The following BRMS1 variants were observed in gnomAD, a reference collection of about 807,000 sequenced individuals.
BRMS1 encodes the protein breast cancer metastasis-suppressor 1.
In BRMS1, 26 loss-of-function variants were observed where a neutral mutation model predicts 40.4. The observed-to-expected ratio is 0.64, with a 90% CI of 0.47 to 0.89. The LOEUF (loss-of-function observed/expected upper bound fraction) is 0.89, where lower values mean the gene tolerates loss of function less well. BRMS1 is among the 40% of genes least tolerant of loss of function. The pLI, the probability that BRMS1 is intolerant of heterozygous loss-of-function variation, is 0.00. For missense variants in BRMS1, 289 were observed against 309.4 expected (o/e 0.93, Z 0.49); for synonymous variants, 103 against 116.0 (o/e 0.89, Z 0.72).
chr11:66,337,567 T>G lies in BRMS1; in HGVS notation c.*315A>C. 2.0e-6 allele frequency: 2 copies of G among 987,208 alleles called. No homozygotes were observed. The highest frequency in any genetic ancestry group is 2.9e-6 in the Non-Finnish European group (2 of 684,988). The allele number at this position is 987,208 out of a possible 1,614,324, so 61.2% of individuals were successfully genotyped here. On this transcript the variant is annotated 3_prime_UTR_variant, in exon 10 of 10. Transcript: ENST00000359957. ...TCAGCAAGAGGATGTGGCTTTGACT[T>G]CGGCTGTCTTCTCTGTCAGGGGAGC...
rs762218512 is a variant in BRMS1 at position 66,341,355 on chromosome 11, G to A, written c.231-22C>T. ...CAACCTGCGTGGTAAAAAGGCAGCC[G>A]TGCACCCATTTGCTCACCCATCGCT... On this transcript the variant is annotated intron_variant, in intron 3 of 9. Transcript: ENST00000359957. The surrounding 1 kb of genome is among the most constrained non-coding windows in gnomAD (Gnocchi z 4.9). 91 of 1,606,556 alleles carry A rather than the reference G, an allele frequency of 5.7e-5. No homozygotes were observed. Among genetic ancestry groups the A allele is most frequent in the African/African-American group, 6.7e-5 (5 of 74,748 alleles).
At chr11:66,339,593 C>T (rs961023319) in intron 7 of BRMS1, among the ~76,000 whole-genome samples, 91 of 152,280 alleles carry the variant, frequency 6.0e-4, no homozygotes, top group South Asian at 1.9e-3. Flanking sequence ...GGGACCCGCT[C>T]GGACAACCCC....
intron 8 of BRMS1, chr11:66,338,512 G>A (rs762499886): frequency 1.1e-5 from 16 of 1,401,508 alleles, no homozygotes; most frequent in South Asian, 2.5e-5. Flanking sequence ...GCCCCAGAAC[G>A]GGAAGGGGCT....
rs748550864 is a variant in BRMS1 at position 66,340,844 on chromosome 11, C to T, written c.465G>A (p.Thr155=). The part of the protein sequence containing the change: ...LESEKLLLYD[T]LQGELQERIQ... ...TCCGCTCCTGCAGCTCCCCCTGCAG[C>T]GTGTCATAGAGCAGCAGCTTCTCAC... The change falls in exon 6 of 10, where the codon ACG becomes ACA. Residue 155 remains threonine, a synonymous_variant. Coordinates refer to ENST00000359957, the MANE Select transcript of BRMS1 (RefSeq NM_015399.4). The T allele has an allele frequency of 8.7e-6, 14 of 1,613,938 alleles. No homozygotes were observed. In the Admixed American group the frequency reaches 1.2e-4, roughly 13 times the overall value.
At chr11:66,338,351 C>G (rs1854982326) in intron 8 of BRMS1, 69 bp from the exon 9 acceptor site, 7 of 1,555,930 alleles carry the variant, frequency 4.5e-6, no homozygotes, top group African/African-American at 1.4e-5. Context: ...CCCCACCCCC[C>G]ACCTCTGTGG....
At position 66,338,142 on chromosome 11, in the gene BRMS1, A is replaced by G. The variant is rs574768706; in HGVS notation, c.733+101T>C. On this transcript the variant is annotated intron_variant, in intron 9 of 9. Coordinates refer to ENST00000359957, the MANE Select transcript of BRMS1 (RefSeq NM_015399.4). ...TAACTTTCTTGAGCCACTGATTCTG[A>G]CACAGTCACAGCCTTTCTCTGGGCT... The G allele has an allele frequency of 3.1e-5, 47 of 1,495,440 alleles. No individual in the cohort carries two copies. The East Asian group carries it at 1.0e-3, about 32-fold the overall frequency. The allele number at this position is 1,495,440 out of a possible 1,614,324, so 92.6% of individuals were successfully genotyped here. A position where few individuals can be genotyped will look rare whatever the true frequency, so the allele number is the denominator to read the frequency against.
chr11:66,340,088 CCCACTTTTAGG>C, intron 7 of BRMS1, 22 bp downstream of exon 7: 1 of 1,599,582 alleles, frequency 6.3e-7, no homozygotes, highest in Non-Finnish European at 8.6e-7. Context: ...TTACATCCTG[CCCACTTTTAGG>C]CCACCTTGGG....
chr11:66,343,770 A>G (rs1199729120), intron 1 of BRMS1, among the ~76,000 whole-genome samples: 1 of 152,226 alleles, frequency 6.6e-6, no homozygotes, highest in Non-Finnish European at 1.5e-5. Context: ...CCAGCAAGGC[A>G]CAATGTGTGC....
chr11:66,340,909 T>G (rs544891524), intron 5 of BRMS1, 39 bp from the exon 6 acceptor site: 1 of 1,613,522 alleles, frequency 6.2e-7, no homozygotes, highest in African/African-American at 1.3e-5. Context: ...ACGGATGGGG[T>G]GAGGCCACTT....
chr11:66,341,466 G>A lies in BRMS1; in HGVS notation c.230+67C>T. On this transcript the variant is annotated intron_variant, in intron 3 of 9. Coordinates refer to ENST00000359957, the MANE Select transcript of BRMS1 (RefSeq NM_015399.4). This position sits in a 1 kb window ranked among gnomAD's most constrained non-coding sequence, Gnocchi z 4.9. ...CCTGGGCACCAACCACGCCTGCCCA[G>A]TACCAGGCCCACCACCTCCTCATCC... 1 of 1,600,672 alleles carries A rather than the reference G, an allele frequency of 6.2e-7. No individual in the cohort carries two copies. The highest frequency in any genetic ancestry group is 8.6e-7 in the Non-Finnish European group (1 of 1,168,526).
At position 66,341,379 on chromosome 11, in the gene BRMS1, C is replaced by T; in HGVS notation, c.231-46G>A. On this transcript the variant is annotated intron_variant, in intron 3 of 9. Transcript: ENST00000359957. This position sits in a 1 kb window ranked among gnomAD's most constrained non-coding sequence, Gnocchi z 4.9. ...CGTGCACCCATTTGCTCACCCATCG[C>T]TCTTGGGCAAACACATACCCAGCAC... The T allele has an allele frequency of 6.2e-7, 1 of 1,603,734 alleles. No homozygotes were observed. Among genetic ancestry groups the T allele is most frequent in the Non-Finnish European group, 8.5e-7 (1 of 1,172,066 alleles).
Position 66,340,821 on chromosome 11 carries a change from C to A in BRMS1, c.488G>T (p.Arg163Leu), listed in dbSNP as rs140338984. The A allele has an allele frequency of 6.2e-7, 1 of 1,613,876 alleles. No homozygotes were observed. The highest frequency in any genetic ancestry group is 1.1e-5 in the South Asian group (1 of 91,068). The change falls in exon 6 of 10, where the codon CGG becomes CTG. Residue 163 changes from arginine (R) to leucine (L), a missense_variant. Physicochemically the swap from Arg to Leu is moderately radical, Grantham distance 102. Coordinates refer to ENST00000359957, the MANE Select transcript of BRMS1 (RefSeq NM_015399.4). ...YDTLQGELQE[R>L]IQRLEEDRQS... ...GCGGTCCTCCTCCAGCCTCTGGATC[C>A]GCTCCTGCAGCTCCCCCTGCAGCGT... is the stretch of plus-strand genomic sequence containing the variant.
At chr11:66,338,031 G>C in intron 9 of BRMS1, 142 bp from the exon 10 acceptor site, 1 of 1,171,612 alleles carries the variant, frequency 8.5e-7, no homozygotes, top group South Asian at 1.5e-5. Flanking sequence ...CTCCTGAGTG[G>C]GAGCTCCATC....
chr11:66,340,048 A>G, intron 7 of BRMS1, 73 bp downstream of exon 7: 2 of 1,319,674 alleles, frequency 1.5e-6, no homozygotes, highest in East Asian at 4.6e-5. Context: ...TGTCCCCTCC[A>G]ACCCCCTCCC....
intron 7 of BRMS1, 22 bp from the exon 8 acceptor site, chr11:66,338,807 C>A: frequency 1.3e-6 from 2 of 1,520,748 alleles, no homozygotes; most frequent in Non-Finnish European, 1.8e-6. Context: ...GTCAAGGAAG[C>A]CTAGTGGAGG....
rs748973710 is a variant in BRMS1 at position 66,341,337 on chromosome 11, C to A, written c.231-4G>T. 20 of 1,611,210 alleles carry A rather than the reference C, an allele frequency of 1.2e-5. No homozygotes were observed. The South Asian group carries it at 2.2e-4, about 18-fold the overall frequency. ...ACTCAGTCGTTCCCTGAACAACCTG[C>A]GTGGTAAAAAGGCAGCCGTGCACCC... On this transcript the variant is annotated splice_polypyrimidine_tract_variant and splice_region_variant and intron_variant, in intron 3 of 9. Coordinates refer to ENST00000359957, the MANE Select transcript of BRMS1 (RefSeq NM_015399.4). This position sits in a 1 kb window ranked among gnomAD's most constrained non-coding sequence, Gnocchi z 4.9.
At chr11:66,338,103 A>T in intron 9 of BRMS1, 140 bp downstream of exon 9, 1 of 1,314,058 alleles carries the variant, frequency 7.6e-7, no homozygotes, top group Non-Finnish European at 1.1e-6. Context: ...AAGCCCCTCA[A>T]ATCTAGACCA....
At position 66,341,830 on chromosome 11, in the gene BRMS1, G is replaced by A; in HGVS notation, c.140-207C>T. ...TGTGTGTGCATATGCGTGCGTGCTT[G>A]TGTGAAGGGGCTGTGTGCACGTGTA... On this transcript the variant is annotated intron_variant, in intron 2 of 9. Transcript: ENST00000359957. This position sits in a 1 kb window ranked among gnomAD's most constrained non-coding sequence, Gnocchi z 4.9. 1.5e-6 allele frequency: 1 copy of A among 670,270 alleles called. No homozygotes were observed. The highest frequency in any genetic ancestry group is 2.7e-6 in the Non-Finnish European group (1 of 374,988). The allele number at this position is 670,270 out of a possible 1,614,324, so 41.5% of individuals were successfully genotyped here.
intron 8 of BRMS1, 120 bp from the exon 9 acceptor site, chr11:66,338,402 G>A (rs539627003): frequency 2.7e-5 from 41 of 1,528,730 alleles, no homozygotes; most frequent in African/African-American, 4.1e-5. Flanking sequence ...CCAGGACCGG[G>A]AGCATAGGCC....
Sources: allele counts gnomAD v4.1 joint callset (sites outside exome capture counted in the v4.1 genomes callset), GRCh38; gene constraint gnomAD v4.1.1; non-coding constraint Gnocchi (gnomAD v3.1); transcripts MANE v1.5; gene names NCBI Gene and HGNC (gene_info 2026-07-23, HGNC 2026-07-21).